Variants in NLRP14 observed in about 807,000 individuals in gnomAD.
The protein encoded by NLRP14 is NACHT, LRR and PYD domains-containing protein 14.
Under a neutral mutation model 94.7 loss-of-function variants are expected in NLRP14, and 105 were observed. The ratio of observed to expected loss-of-function variants is 1.11; its 90% confidence interval spans 0.95 to 1.30. NLRP14 has a LOEUF of 1.30. NLRP14 is among the 50% of genes most tolerant of loss of function. The probability of loss-of-function intolerance (pLI) is 0.00; values close to 1 mark genes in which losing one functional copy is unlikely to be tolerated. For synonymous variants in NLRP14, 508 were observed against 459.9 expected, an observed-to-expected ratio of 1.10 and a Z score of -1.34; for missense variants, 1,362 against 1,254.1, an observed-to-expected ratio of 1.09 and a Z score of -1.30.
intron 1 of NLRP14, among the ~76,000 whole-genome samples, chr11:7,029,107 T>C (rs779797662): frequency 3.4e-4 from 51 of 152,132 alleles, no homozygotes; most frequent in Admixed American, 9.8e-4. Flanking sequence ...TGGGAGGGAT[T>C]GATGTAAGTA....
chr11:7,075,083 A>G (rs1032416636), downstream of NLRP14, among the ~76,000 whole-genome samples: 1 of 152,126 alleles, frequency 6.6e-6, no homozygotes, highest in African/African-American at 2.4e-5. Context: ...GCCTAAGGGT[A>G]GTTAACTAAG....
chr11:7,054,139 AT>A (rs1373750786), intron 6 of NLRP14, among the ~76,000 whole-genome samples: 1 of 152,114 alleles, frequency 6.6e-6, no homozygotes, highest in Non-Finnish European at 1.5e-5. Context: ...ACAGGATCTC[AT>A]TCTTTTTTAT....
At chr11:7,052,260 CAT>C (rs1191309048) in intron 6 of NLRP14, among the ~76,000 whole-genome samples, 1 of 152,142 alleles carries the variant, frequency 6.6e-6, no homozygotes, top group African/African-American at 2.4e-5. Context: ...ACCAAAATGG[CAT>C]ATAAATGCAG....
the NLRP14 span, among the ~76,000 whole-genome samples, chr11:7,081,790 C>T: frequency 6.6e-6 from 1 of 152,276 alleles, no homozygotes; most frequent in Admixed American, 6.5e-5. Context: ...AATCCCACTG[C>T]TTGGAGTTTT....
chr11:7,040,436 A>C (rs1416088764), intron 3 of NLRP14, among the ~76,000 whole-genome samples: 1 of 152,134 alleles, frequency 6.6e-6, no homozygotes, highest in Non-Finnish European at 1.5e-5. Context: ...TCTGATGATA[A>C]ATGTAATGCA....
In NLRP14 at chr11:7,039,750, C is replaced by CTGGA; in HGVS notation, c.327_330dup (p.Glu111TrpfsTer13). ...ACTATAGGACCAGATGATGCCAAGG[C>CTGGA]TGGAGAGACACAAGAAGATCAGGAG... is the stretch of plus-strand genomic sequence containing the variant. On this transcript the variant is annotated frameshift_variant, in exon 3 of 12. Coordinates refer to ENST00000299481, the MANE Select transcript of NLRP14 (RefSeq NM_176822.4). LOFTEE classifies it high-confidence loss of function. 6.2e-7 allele frequency: 1 copy of CTGGA among 1,613,978 alleles called. No homozygotes were observed. Among genetic ancestry groups the CTGGA allele is most frequent in the Non-Finnish European group, 8.5e-7 (1 of 1,179,890 alleles).
At chr11:7,082,513 G>A in the NLRP14 span, among the ~76,000 whole-genome samples, 1 of 152,184 alleles carries the variant, frequency 6.6e-6, no homozygotes, top group African/African-American at 2.4e-5. Context: ...AGCAGGAGCG[G>A]TGTCAGCAAT....
the NLRP14 span, chr11:7,089,969 T>G: frequency 1.2e-6 from 2 of 1,612,512 alleles, no homozygotes; most frequent in Admixed American, 3.3e-5. Flanking sequence ...GAGAGCCCTT[T>G]GAGAGCTACG....
At chr11:7,090,714 A>G in the NLRP14 span, 1 of 287,574 alleles carries the variant, frequency 3.5e-6, no homozygotes, top group Non-Finnish European at 7.0e-6. Context: ...TTGGGTGGAG[A>G]GTGGGAGGGA....
rs369214847 is a variant in NLRP14, at chr11:7,071,391, T to C, written c.*83T>C. Reference sequence around the variant, plus strand: ...ATATACCCAGACTTGGGTGCTTAGCTTCAGATACTCTATGCCCAGAGATAG... The same window carrying C: ...ATATACCCAGACTTGGGTGCTTAGCCTCAGATACTCTATGCCCAGAGATAG... On this transcript the variant is annotated 3_prime_UTR_variant, in exon 12 of 12. Coordinates refer to ENST00000299481, the MANE Select transcript of NLRP14 (RefSeq NM_176822.4). 60 of 1,122,978 alleles carry C rather than the reference T, an allele frequency of 5.3e-5. No homozygotes were observed. In the East Asian group the frequency reaches 1.2e-3, roughly 23 times the overall value. 69.6% of individuals were successfully genotyped at this position (1,122,978 alleles called of 1,614,324 possible).
chr11:7,038,468 GTTAAA>G (rs1852192561), intron 1 of NLRP14, 93 bp from the exon 2 acceptor site: 1 of 1,021,650 alleles, frequency 9.8e-7, no homozygotes, highest in African/African-American at 1.6e-5. Flanking sequence ...GCAAATGTTT[GTTAAA>G]TTAATCTATA....
chr11:7,079,735 G>A, the NLRP14 span, among the ~76,000 whole-genome samples: 2 of 152,212 alleles, frequency 1.3e-5, no homozygotes, highest in East Asian at 1.9e-4. Flanking sequence ...TGCATCTCAC[G>A]TATGGAGCAA....
intron 3 of NLRP14, among the ~76,000 whole-genome samples, chr11:7,040,553 T>C (rs532163515): frequency 5.9e-5 from 9 of 152,286 alleles, no homozygotes; most frequent in Non-Finnish European, 1.2e-4. Context: ...CCCAAAAGAT[T>C]GGGGATTTCA....
chr11:7,065,813 A>G (rs939527524), intron 10 of NLRP14, among the ~76,000 whole-genome samples: 2 of 152,030 alleles, frequency 1.3e-5, no homozygotes, highest in African/African-American at 4.8e-5. Context: ...GCACCCATCA[A>G]CCCATCATCT....
the NLRP14 span, among the ~76,000 whole-genome samples, chr11:7,083,729 T>C: frequency 7.2e-5 from 11 of 152,224 alleles, no homozygotes; most frequent in Non-Finnish European, 1.0e-4. Flanking sequence ...ACTCATTTCA[T>C]GGACCCAGGT....
chr11:7,038,788 G>C lies in NLRP14; in HGVS notation c.202G>C (p.Gly68Arg). ...CAATTTGATGAAGAAATATTATCCA[G>C]GAGAGAAAGCCTGGAGTGTGTCTCT... ...LANLMKKYYPGEKAWSVSLKI... is the reference protein window; with the variant it reads ...LANLMKKYYPREKAWSVSLKI... The change falls in exon 2 of 12, where the codon GGA (glycine) becomes CGA (arginine). Residue 68 changes from glycine (G) to arginine (R), a missense_variant. Transcript: ENST00000299481. 1.2e-6 allele frequency: 2 copies of C among 1,613,408 alleles called. No homozygotes were observed. Among genetic ancestry groups the C allele is most frequent in the Admixed American group, 1.7e-5 (1 of 59,892 alleles).
intron 6 of NLRP14, among the ~76,000 whole-genome samples, chr11:7,051,594 T>A (rs1213354156): frequency 6.6e-6 from 1 of 152,182 alleles, no homozygotes; most frequent in Non-Finnish European, 1.5e-5. Context: ...ATGAACATAC[T>A]GAAAGGATAC....
At chr11:7,065,153 G>A (rs1003769711) in intron 10 of NLRP14, among the ~76,000 whole-genome samples, 19 of 152,118 alleles carry the variant, frequency 1.2e-4, no homozygotes, top group Admixed American at 3.3e-4. Context: ...ATATGTTGGC[G>A]TATTGAATCG....
intron 6 of NLRP14, among the ~76,000 whole-genome samples, chr11:7,054,453 C>T (rs1395758264): frequency 7.2e-5 from 11 of 152,182 alleles, no homozygotes; most frequent in Admixed American, 7.2e-4. Context: ...TTTTTCTCCA[C>T]ATCCTCACCA....
Sources: allele counts gnomAD v4.1 joint callset (sites outside exome capture counted in the v4.1 genomes callset), GRCh38; gene constraint gnomAD v4.1.1; transcripts MANE v1.5; gene names NCBI Gene and HGNC (gene_info 2026-07-23, HGNC 2026-07-21).